The following KCNIP1 variants were observed in gnomAD, a reference collection of about 807,000 sequenced individuals.
KCNIP1 encodes the protein potassium voltage-gated channel interacting protein 1, also known as A-type potassium channel modulatory protein KCNIP1.
In KCNIP1, 18 loss-of-function variants were observed where a neutral mutation model predicts 33.0. The ratio of observed to expected loss-of-function variants is 0.55; its 90% confidence interval spans 0.38 to 0.81. The LOEUF is 0.81. Among genes scored for constraint, KCNIP1 ranks in the 30% least tolerant of loss-of-function variants. The probability of loss-of-function intolerance (pLI) is 0.00; values close to 1 mark genes in which losing one functional copy is unlikely to be tolerated. For synonymous variants in KCNIP1, 93 were observed against 98.3 expected (o/e 0.95, Z 0.32); for missense variants, 238 against 271.6 (o/e 0.88, Z 0.87).
chr5:170,711,216 A>G (rs1261783474), intron 1 of KCNIP1, among the ~76,000 whole-genome samples: 1 of 152,112 alleles, frequency 6.6e-6, no homozygotes, highest in Non-Finnish European at 1.5e-5. Context: ...ACCACTCTCT[A>G]TAGTTGTACA....
chr5:170,675,892 G>A (rs948737496), intron 1 of KCNIP1, among the ~76,000 whole-genome samples: 2 of 152,132 alleles, frequency 1.3e-5, no homozygotes, highest in Non-Finnish European at 2.9e-5. Flanking sequence ...GCAAATAGAT[G>A]TAAAAGGTTG....
At chr5:170,638,457 T>G (rs961189371) in intron 1 of KCNIP1, among the ~76,000 whole-genome samples, 1 of 152,224 alleles carries the variant, frequency 6.6e-6, no homozygotes, top group African/African-American at 2.4e-5. Context: ...ACACAAGGTC[T>G]GAGTCTCAAA....
intron 1 of KCNIP1, among the ~76,000 whole-genome samples, chr5:170,495,309 A>G (rs999946443): frequency 3.9e-5 from 6 of 152,144 alleles, no homozygotes; most frequent in African/African-American, 1.4e-4. Context: ...CCCAGGCTCT[A>G]GGAGGGTTTC....
intron 1 of KCNIP1, among the ~76,000 whole-genome samples, chr5:170,459,553 C>A (rs892421053): frequency 1.3e-5 from 2 of 152,072 alleles, no homozygotes; most frequent in Non-Finnish European, 2.9e-5. Context: ...CTAAATCATG[C>A]AAATACATGG....
chr5:170,387,040 G>A (rs929694931), intron 1 of KCNIP1, among the ~76,000 whole-genome samples: 3 of 152,098 alleles, frequency 2.0e-5, no homozygotes, highest in African/African-American at 4.8e-5. Context: ...TGGTCCCCGC[G>A]TGATTTCCCA....
In KCNIP1 at chr5:170,385,245, A is replaced by G. The variant is rs1237724961; in HGVS notation, c.88+31281A>G. Reference sequence around the variant, plus strand: ...CAAGGAGAGGGGTGAGTAGAAGGCCAGGGTTCCTTACAGATGCCAGACCCT... The same window carrying G: ...CAAGGAGAGGGGTGAGTAGAAGGCCGGGGTTCCTTACAGATGCCAGACCCT... On this transcript the variant is annotated intron_variant, in intron 1 of 7. Coordinates refer to the KCNIP1 transcript ENST00000377360. 1.9e-6 allele frequency: 3 copies of G among 1,561,884 alleles called. No homozygotes were observed. In the African/African-American group the frequency reaches 4.1e-5, roughly 21 times the overall value.
At chr5:170,440,017 G>A (rs529767054) in intron 1 of KCNIP1, among the ~76,000 whole-genome samples, 1 of 152,332 alleles carries the variant, frequency 6.6e-6, no homozygotes, top group African/African-American at 2.4e-5. Context: ...TGGAGACAGG[G>A]CCTTTAAAGG....
intron 1 of KCNIP1, among the ~76,000 whole-genome samples, chr5:170,397,782 C>T (rs559746095): frequency 1.3e-4 from 20 of 152,122 alleles, no homozygotes; most frequent in Non-Finnish European, 2.5e-4. Context: ...AATATGTGCC[C>T]AAGGTGGTCA....
At chr5:170,721,715 T>C in intron 3 of KCNIP1, 118 bp from the exon 4 acceptor site, 1 of 1,611,450 alleles carries the variant, frequency 6.2e-7, no homozygotes, top group Non-Finnish European at 8.5e-7. Context: ...AATTTTCTCC[T>C]TTCCATCACC....
chr5:170,512,712 T>C (rs1754981767), intron 1 of KCNIP1, among the ~76,000 whole-genome samples: 1 of 152,174 alleles, frequency 6.6e-6, no homozygotes, highest in Non-Finnish European at 1.5e-5. Flanking sequence ...TAAAGTGTGC[T>C]CCTCCAACCA....
chr5:170,620,543 G>A (rs188998044), intron 1 of KCNIP1, among the ~76,000 whole-genome samples: 4 of 152,280 alleles, frequency 2.6e-5, no homozygotes, highest in Admixed American at 1.3e-4. Flanking sequence ...GAGGGGCTAC[G>A]CATCACAGAA....
At chr5:170,365,690 G>A (rs1345774088) in intron 1 of KCNIP1, among the ~76,000 whole-genome samples, 1 of 152,192 alleles carries the variant, frequency 6.6e-6, no homozygotes, top group Non-Finnish European at 1.5e-5. Flanking sequence ...GAGGATCCAG[G>A]ACTTTCTGGA....
chr5:170,730,030 T>G (rs1764141465), intron 5 of KCNIP1, among the ~76,000 whole-genome samples: 1 of 152,080 alleles, frequency 6.6e-6, no homozygotes, highest in South Asian at 2.1e-4. Context: ...CAGTGGCCAC[T>G]TAAAATCATG....
intron 1 of KCNIP1, among the ~76,000 whole-genome samples, chr5:170,448,803 T>G (rs918164226): frequency 6.6e-6 from 1 of 152,216 alleles, no homozygotes; most frequent in Non-Finnish European, 1.5e-5. Context: ...CATATCTTCT[T>G]TCATCTACCC....
At chr5:170,598,299 C>G (rs1206602428) in intron 1 of KCNIP1, among the ~76,000 whole-genome samples, 1 of 152,128 alleles carries the variant, frequency 6.6e-6, no homozygotes, top group Non-Finnish European at 1.5e-5. Flanking sequence ...TCTGATAGAT[C>G]ACCAGTGGGA....
intron 1 of KCNIP1, among the ~76,000 whole-genome samples, chr5:170,605,103 G>A (rs1351626561): frequency 6.6e-6 from 1 of 152,198 alleles, no homozygotes; most frequent in African/African-American, 2.4e-5. Context: ...CTGTGTCACA[G>A]GCCTCATGAG....
intron 1 of KCNIP1, among the ~76,000 whole-genome samples, chr5:170,534,385 G>A (rs1309414920): frequency 6.6e-6 from 1 of 152,116 alleles, no homozygotes; most frequent in Non-Finnish European, 1.5e-5. Flanking sequence ...GGTGGAGGCT[G>A]TGGTAAGCAG....
intron 1 of KCNIP1, among the ~76,000 whole-genome samples, chr5:170,555,078 G>C (rs565535934): frequency 7.4e-4 from 113 of 152,068 alleles, no homozygotes; most frequent in Non-Finnish European, 1.2e-3. Context: ...AATCACGTTC[G>C]TTCCCAGCCC....
At chr5:170,486,620 G>T (rs959813958) in intron 1 of KCNIP1, among the ~76,000 whole-genome samples, 2 of 152,226 alleles carry the variant, frequency 1.3e-5, no homozygotes, top group Admixed American at 1.3e-4. Context: ...TTCTGGATTT[G>T]GTTCTTAAGC....
Sources: allele counts gnomAD v4.1 joint callset (sites outside exome capture counted in the v4.1 genomes callset), GRCh38; gene constraint gnomAD v4.1.1; transcripts MANE v1.5; gene names NCBI Gene and HGNC (gene_info 2026-07-23, HGNC 2026-07-21).